FHL1: variants seen among roughly 807,000 people sequenced by gnomAD.
The protein encoded by FHL1 is four and a half LIM domains 1.
FHL1 carries 1 observed loss-of-function variant against 20.3 expected under a neutral mutation model. The ratio of observed to expected loss-of-function variants is 0.05; its 90% CI spans 0.02 to 0.23. The LOEUF (loss-of-function observed/expected upper bound fraction) is 0.23. Ranked by LOEUF, FHL1 falls within the 10% of genes least tolerant of loss-of-function variation. The probability of loss-of-function intolerance (pLI) is 1.00; values close to 1 mark genes in which losing one functional copy is unlikely to be tolerated. For synonymous variants in FHL1, 82 were observed against 88.9 expected (o/e 0.92, Z 0.44); for missense variants, 177 against 234.0 (o/e 0.76, Z 1.59).
At chrX:136,179,004 G>A (rs186696140) in intron 2 of FHL1, among the ~76,000 whole-genome samples, 6 of 111,534 alleles carry the variant, frequency 5.4e-5, no homozygotes, top group Non-Finnish European at 9.4e-5. Flanking sequence ...TGATCCACCC[G>A]CCTTGGACTC....
intron 1 of FHL1, among the ~76,000 whole-genome samples, chrX:136,202,728 C>T (rs772076583): frequency 4.5e-5 from 5 of 111,879 alleles, no homozygotes; most frequent in South Asian, 3.8e-4. Flanking sequence ...TGCACTCCAG[C>T]CTGGTGACAG....
chrX:136,166,653 A>C (rs1320543073), upstream of FHL1, among the ~76,000 whole-genome samples: 1 of 111,995 alleles, frequency 8.9e-6, no homozygotes, highest in African/African-American at 3.2e-5. Context: ...ACTCATCTCT[A>C]GGAAAAATCA....
At chrX:136,205,896 CG>C (rs898195016) in intron 1 of FHL1, among the ~76,000 whole-genome samples, 3 of 111,115 alleles carry the variant, frequency 2.7e-5, no homozygotes, top group African/African-American at 9.9e-5. Context: ...TGCCTGCAGG[CG>C]GGGCCCCTGC....
chrX:136,153,020 T>C (rs1462298785), intron 1 of FHL1, among the ~76,000 whole-genome samples: 4 of 112,087 alleles, frequency 3.6e-5, no homozygotes, highest in African/African-American at 1.3e-4. Context: ...CTTAGGGCTG[T>C]CCTGTAGAAC....
At chrX:136,180,758 T>C (rs1364454205) in intron 2 of FHL1, among the ~76,000 whole-genome samples, 2 of 104,066 alleles carry the variant, frequency 1.9e-5, no homozygotes, top group Non-Finnish European at 4.0e-5. Flanking sequence ...TATTATTTTT[T>C]TGAGACAGAG....
upstream of FHL1, among the ~76,000 whole-genome samples, chrX:136,167,352 C>T (rs1382348459): frequency 9.1e-6 from 1 of 110,206 alleles, no homozygotes; most frequent in Non-Finnish European, 1.9e-5. Context: ...ACTACAGACA[C>T]ACGCCACCAC....
chrX:136,152,199 CAT>C (rs1296550958), intron 1 of FHL1, among the ~76,000 whole-genome samples: 3 of 111,840 alleles, frequency 2.7e-5, no homozygotes, highest in African/African-American at 9.8e-5. Context: ...AATATATACT[CAT>C]TGTCTAATTT....
chrX:136,167,471 C>CT (rs2072743665), upstream of FHL1, among the ~76,000 whole-genome samples: 1 of 111,098 alleles, frequency 9.0e-6, no homozygotes, highest in South Asian at 3.9e-4. Flanking sequence ...TCCCAAAGTG[C>CT]TGGGATTACA....
At chrX:136,185,994 T>A (rs1200426905) in intron 2 of FHL1, among the ~76,000 whole-genome samples, 2 of 111,792 alleles carry the variant, frequency 1.8e-5, no homozygotes, top group Non-Finnish European at 3.8e-5. Context: ...TCATTTTTTT[T>A]AAATAGATAA....
chrX:136,208,392 C>T (rs780472164), intron 4 of FHL1, 63 bp from the exon 5 acceptor site: 33 of 1,141,443 alleles, frequency 2.9e-5, no homozygotes, highest in South Asian at 1.4e-4. Flanking sequence ...GTGCCTGGCA[C>T]GCAGTAGGCA....
upstream of FHL1, among the ~76,000 whole-genome samples, chrX:136,165,255 G>A (rs2072681324): frequency 9.0e-6 from 1 of 111,602 alleles, no homozygotes; most frequent in Admixed American, 9.6e-5. Context: ...TTAAAAATGA[G>A]GCATCTTTAA....
At chrX:136,196,944 A>T (rs936102331), upstream of FHL1, 5 of 1,065,297 alleles carry the variant, frequency 4.7e-6, no homozygotes, top group African/African-American at 9.3e-5. Context: ...AGAATTTTCT[A>T]GTGGGATTAA....
rs187265070 is a variant in FHL1, at chrX:136,210,834, T to C, written c.*809T>C. 154 of 384,142 alleles carry C rather than the reference T, an allele frequency of 4.0e-4. No individual in the cohort carries two copies. The highest frequency in any genetic ancestry group is 3.4e-3 in the African/African-American group (138 of 40,576). 31.7% of individuals were successfully genotyped at this position (384,142 alleles called of 1,213,427 possible). On this transcript the variant is annotated 3_prime_UTR_variant, in exon 6 of 6. Coordinates refer to ENST00000370683, the MANE Select transcript of FHL1 (RefSeq NM_001159699.2). ...TTTTAATTAATATTTTTGTTTTAAT[T>C]GATAGCAAAATAGTTTATGGGTTTG...
intron 1 of FHL1, 157 bp from the exon 2 acceptor site, chrX:136,206,250 G>T: frequency 1.6e-6 from 1 of 628,614 alleles, no homozygotes; most frequent in Non-Finnish European, 2.6e-6. Flanking sequence ...CTGTTGTCTT[G>T]GTGCCTGGTA....
chrX:136,175,933 C>T (rs1230927359), intron 2 of FHL1, among the ~76,000 whole-genome samples: 3 of 111,883 alleles, frequency 2.7e-5, no homozygotes, highest in East Asian at 5.6e-4. Context: ...TATCACAAGC[C>T]GGATATTCTA....
At chrX:136,155,825 A>C (rs901852322) in intron 1 of FHL1, among the ~76,000 whole-genome samples, 3 of 102,464 alleles carry the variant, frequency 2.9e-5, no homozygotes, top group Middle Eastern at 4.6e-3. Context: ...AAAAAAAAAA[A>C]CAATCAAAAT....
Position 136,152,994 on chromosome X carries a change from C to T in FHL1, c.-101+5366C>T, listed in dbSNP as rs182690615. 3.0e-4 allele frequency among the ~76,000 whole-genome samples: 34 copies of T among 111,919 alleles called. No individual in the cohort carries two copies. The East Asian group carries it at 9.5e-3, about 31-fold the overall frequency. ...AAATCTGTGCTTAACCTTTCGGTAG[C>T]TCACCTTCCACCTTTCTTAGGGCTG... On this transcript the variant is annotated intron_variant, in intron 1 of 7. Coordinates refer to the FHL1 transcript ENST00000394155.
chrX:136,172,452 A>G (rs900021688), intron 2 of FHL1, among the ~76,000 whole-genome samples: 1 of 112,457 alleles, frequency 8.9e-6, no homozygotes, highest in African/African-American at 3.2e-5. Context: ...TACATTGCCC[A>G]GTATTCAGTA....
At chrX:136,148,115 AG>A (rs1178718114) in intron 1 of FHL1, 1 of 95,057 alleles carries the variant, frequency 1.1e-5, no homozygotes, top group Non-Finnish European at 2.1e-5. Flanking sequence ...GATAGCTAGC[AG>A]GGGCTGTGGG....
Sources: allele counts gnomAD v4.1 joint callset (sites outside exome capture counted in the v4.1 genomes callset), GRCh38; gene constraint gnomAD v4.1.1; transcripts MANE v1.5; gene names NCBI Gene and HGNC (gene_info 2026-07-23, HGNC 2026-07-21).